The following SMYD3 variants were observed in gnomAD, a reference collection of about 807,000 sequenced individuals.
The protein encoded by SMYD3 is SET and MYND domain containing 3.
A neutral mutation model predicts 57.7 loss-of-function variants in SMYD3; 36 were observed. That is an observed-to-expected ratio of 0.62 (90% CI 0.48 to 0.82). SMYD3 has a LOEUF of 0.82. Ranked by LOEUF, SMYD3 falls within the 40% of genes least tolerant of loss-of-function variation. The pLI is 0.00. For synonymous variants in SMYD3, 211 were observed against 195.0 expected, an observed-to-expected ratio of 1.08 and a Z score of -0.68; for missense variants, 515 against 538.8, an observed-to-expected ratio of 0.96 and a Z score of 0.44.
intron 8 of SMYD3, among the ~76,000 whole-genome samples, chr1:245,866,048 G>A (rs1432554792): frequency 6.6e-6 from 1 of 152,178 alleles, no homozygotes; most frequent in Non-Finnish European, 1.5e-5. Context: ...CATCCCCCTG[G>A]AGACTGTCAT....
At chr1:245,815,564 G>C (rs2048759117) in intron 10 of SMYD3, among the ~76,000 whole-genome samples, 1 of 152,216 alleles carries the variant, frequency 6.6e-6, no homozygotes. Flanking sequence ...GAGCATCACA[G>C]GTCAAGAAGT....
chr1:246,116,448 T>C (rs2061343582), intron 5 of SMYD3, among the ~76,000 whole-genome samples: 1 of 152,236 alleles, frequency 6.6e-6, no homozygotes, highest in South Asian at 2.1e-4. Flanking sequence ...CAGCTGTATC[T>C]TCACTGGCTC....
In SMYD3 at chr1:246,303,364, C is replaced by T. The variant is rs551984915; in HGVS notation, c.531+23837G>A. On this transcript the variant is annotated intron_variant, in intron 5 of 11. Coordinates refer to ENST00000490107, the MANE Select transcript of SMYD3 (RefSeq NM_001167740.2). ...CCACTAAGATCATACATTCCTCCCT[C>T]AGTATTGACTCTAGCACCCCTGTGG... Among the ~76,000 whole-genome samples, 151 of 152,260 alleles carry T rather than the reference C, an allele frequency of 9.9e-4. 1 individual carries two copies. The highest frequency in any genetic ancestry group is 3.6e-3 in the African/African-American group (150 of 41,542).
chr1:246,154,506 C>T (rs947776517), intron 5 of SMYD3, among the ~76,000 whole-genome samples: 4 of 152,176 alleles, frequency 2.6e-5, no homozygotes, highest in Admixed American at 1.3e-4. Flanking sequence ...CTCCTAGTTT[C>T]TTTTAATAGA....
At chr1:246,231,004 G>A (rs950673238) in intron 5 of SMYD3, among the ~76,000 whole-genome samples, 1 of 152,134 alleles carries the variant, frequency 6.6e-6, no homozygotes, top group Non-Finnish European at 1.5e-5. Context: ...ATCATATGAT[G>A]TATATTTTCA....
rs566281194 is a variant in SMYD3 at position 245,927,954 on chromosome 1, G to C, written c.679C>G (p.Arg227Gly). 2.5e-5 allele frequency: 41 copies of C among 1,612,222 alleles called. No individual in the cohort carries two copies. The highest frequency in any genetic ancestry group is 3.4e-5 in the Non-Finnish European group (40 of 1,178,948). The stretch of plus-strand genomic sequence containing the variant: ...ACCTCCTCTCCCACCTCGATGTCTC[G>C]GACTGCTCGCAGTAAGAGGTGGGGC... ...NGPHLLLRAV[R>G]DIEVGEELTI... Residue 227 changes from arginine (R) to glycine (G), a missense_variant, in exon 7 of 12, where the codon CGA becomes GGA. Physicochemically the swap from Arg to Gly is moderately radical, Grantham distance 125. Transcript: ENST00000490107.
chr1:246,146,652 T>A (rs1434591885), intron 5 of SMYD3, among the ~76,000 whole-genome samples: 1 of 151,550 alleles, frequency 6.6e-6, no homozygotes, highest in Non-Finnish European at 1.5e-5. Flanking sequence ...TGAAGCGGAG[T>A]GTGGAGAACC....
At chr1:246,036,805 C>T (rs1420958887) in intron 5 of SMYD3, among the ~76,000 whole-genome samples, 1 of 150,906 alleles carries the variant, frequency 6.6e-6, no homozygotes, top group Non-Finnish European at 1.5e-5. Flanking sequence ...ACCTCGTGAT[C>T]CGCCCGCCTC....
At chr1:246,057,785 CA>C (rs1331539443) in intron 5 of SMYD3, among the ~76,000 whole-genome samples, 1 of 152,190 alleles carries the variant, frequency 6.6e-6, no homozygotes, top group Non-Finnish European at 1.5e-5. Context: ...TATGTCCACA[CA>C]AAAATCTGCA....
chr1:246,278,641 TG>T (rs2064383040), intron 5 of SMYD3, among the ~76,000 whole-genome samples: 1 of 152,094 alleles, frequency 6.6e-6, no homozygotes. Flanking sequence ...CCAAGCGAGC[TG>T]GGAAGTGGCT....
chr1:246,121,931 A>G (rs904911110), intron 5 of SMYD3, among the ~76,000 whole-genome samples: 7 of 151,944 alleles, frequency 4.6e-5, no homozygotes, highest in African/African-American at 1.7e-4. Context: ...TCAGAATGAA[A>G]CTTCAGTTAA....
At chr1:246,342,924 T>C (rs1291215198) in intron 2 of SMYD3, among the ~76,000 whole-genome samples, 1 of 147,214 alleles carries the variant, frequency 6.8e-6, no homozygotes, top group Non-Finnish European at 1.5e-5. Flanking sequence ...ATATGGCTCA[T>C]AGGTAAAATT....
chr1:246,069,884 C>T (rs929780299), intron 5 of SMYD3, among the ~76,000 whole-genome samples: 4 of 152,160 alleles, frequency 2.6e-5, no homozygotes, highest in Non-Finnish European at 4.4e-5. Flanking sequence ...TATTGGACTG[C>T]CCCAGATACC....
At chr1:246,219,042 T>G (rs1244585409) in intron 5 of SMYD3, among the ~76,000 whole-genome samples, 1 of 152,146 alleles carries the variant, frequency 6.6e-6, no homozygotes, top group Admixed American at 6.5e-5. Context: ...TAGGTTGGGC[T>G]TAATTTAACT....
intron 5 of SMYD3, among the ~76,000 whole-genome samples, chr1:246,031,565 A>G (rs1244997656): frequency 6.6e-6 from 1 of 152,016 alleles, no homozygotes; most frequent in African/African-American, 2.4e-5. Context: ...GTGAAACCCC[A>G]TCTCTACTAA....
chr1:246,418,602 G>T (rs2067097728), intron 1 of SMYD3, among the ~76,000 whole-genome samples: 1 of 152,198 alleles, frequency 6.6e-6, no homozygotes, highest in Non-Finnish European at 1.5e-5. Flanking sequence ...GGAAGAATCA[G>T]ATCACATGTA....
At chr1:246,343,077 A>G (rs1164781808) in intron 2 of SMYD3, among the ~76,000 whole-genome samples, 2 of 152,248 alleles carry the variant, frequency 1.3e-5, no homozygotes, top group African/African-American at 4.8e-5. Context: ...TCAGAGTTGA[A>G]CACATACGAC....
intron 8 of SMYD3, among the ~76,000 whole-genome samples, chr1:245,908,904 G>A (rs983181880): frequency 1.3e-5 from 2 of 151,970 alleles, no homozygotes; most frequent in Admixed American, 1.3e-4. Context: ...GTATCTCAAG[G>A]AACTAGAAAA....
At chr1:246,166,874 C>T (rs4654216) in intron 5 of SMYD3, among the ~76,000 whole-genome samples, 69,861 of 152,076 alleles carry the variant, frequency 0.46, 19,542 homozygotes, top group Non-Finnish European at 0.64. Context: ...ACCAACCTAT[C>T]CAGCTCCAAA....
Sources: allele counts gnomAD v4.1 joint callset (sites outside exome capture counted in the v4.1 genomes callset), GRCh38; gene constraint gnomAD v4.1.1; transcripts MANE v1.5; gene names NCBI Gene and HGNC (gene_info 2026-07-23, HGNC 2026-07-21).